The following CSMD2 variants were observed in gnomAD, a reference collection of about 807,000 sequenced individuals.
The protein encoded by CSMD2 is CUB and sushi domain-containing protein 2.
CSMD2 carries 130 observed loss-of-function variants against 398.5 expected under a neutral mutation model. The ratio of observed to expected loss-of-function variants is 0.33; its 90% CI spans 0.28 to 0.38. The LOEUF (loss-of-function observed/expected upper bound fraction) is 0.38, where lower values mean the gene tolerates loss of function less well. Among genes scored for constraint, CSMD2 ranks in the 10% least tolerant of loss-of-function variants. CSMD2 has a pLI of 1.00. For synonymous variants in CSMD2, 1,828 were observed against 1,908.5 expected (o/e 0.96, Z 1.10); for missense variants, 3,829 against 4,764.9 (o/e 0.80, Z 5.78).
intron 4 of CSMD2, among the ~76,000 whole-genome samples, chr1:33,933,309 G>A (rs1021938423): frequency 6.6e-6 from 1 of 152,180 alleles, no homozygotes; most frequent in African/African-American, 2.4e-5. Context: ...AAAGCTGACA[G>A]ATTCCTGGAG....
intron 3 of CSMD2, among the ~76,000 whole-genome samples, chr1:34,027,614 T>C (rs1404099505): frequency 6.6e-6 from 1 of 152,262 alleles, no homozygotes. Flanking sequence ...GTTAGATAAC[T>C]ATGGTATATG....
rs1050938178 is a variant in CSMD2 at position 34,097,211 on chromosome 1, G to C, written c.188-8018C>G. Among the ~76,000 whole-genome samples, 31 of 151,058 alleles carry C rather than the reference G, an allele frequency of 2.1e-4. 1 individual carries two copies. The highest frequency in any genetic ancestry group is 7.1e-4 in the African/African-American group (29 of 40,784). On this transcript the variant is annotated intron_variant, in intron 1 of 70. Coordinates refer to ENST00000373381, the MANE Select transcript of CSMD2 (RefSeq NM_001281956.2). ...TGCTGGGAAAACTGGCTAGCCATATGTAGAAAGCTGAAAGTGGATCCCTTC... is the reference window on the plus strand; with the variant it reads ...TGCTGGGAAAACTGGCTAGCCATATCTAGAAAGCTGAAAGTGGATCCCTTC...
chr1:33,622,106 G>T, intron 37 of CSMD2, 61 bp downstream of exon 37: 3 of 1,222,910 alleles, frequency 2.5e-6, no homozygotes, highest in Non-Finnish European at 3.6e-6. Flanking sequence ...GCTCAGAAGG[G>T]GCTCAGCAAC....
At chr1:33,665,653 C>T (rs1644286344) in intron 25 of CSMD2, among the ~76,000 whole-genome samples, 1 of 151,724 alleles carries the variant, frequency 6.6e-6, no homozygotes, top group African/African-American at 2.4e-5. Context: ...GTCTTGAATG[C>T]TGGGATTCAA....
intron 36 of CSMD2, 62 bp downstream of exon 36, chr1:33,623,308 T>C: frequency 4.8e-6 from 5 of 1,035,050 alleles, no homozygotes; most frequent in South Asian, 2.6e-5. Flanking sequence ...ATAATAACAA[T>C]GTTCATGATG....
intron 13 of CSMD2, among the ~76,000 whole-genome samples, chr1:33,754,188 T>G (rs938565029): frequency 6.6e-6 from 1 of 152,178 alleles, no homozygotes; most frequent in African/African-American, 2.4e-5. Context: ...TAATCCTTAA[T>G]GTTGGACATG....
intron 3 of CSMD2, among the ~76,000 whole-genome samples, chr1:33,952,752 CT>C (rs1430020996): frequency 2.6e-5 from 4 of 151,966 alleles, no homozygotes; most frequent in African/African-American, 9.7e-5. Context: ...CCTTGTCTGA[CT>C]TTTTTCACTT....
chr1:34,124,863 G>A (rs1662575693), intron 1 of CSMD2, among the ~76,000 whole-genome samples: 1 of 152,156 alleles, frequency 6.6e-6, no homozygotes, highest in African/African-American at 2.4e-5. Flanking sequence ...CCAACTAGGG[G>A]CATTGCAAGC....
At chr1:33,875,176 C>T (rs1364042960) in intron 5 of CSMD2, among the ~76,000 whole-genome samples, 1 of 152,106 alleles carries the variant, frequency 6.6e-6, no homozygotes, top group Non-Finnish European at 1.5e-5. Flanking sequence ...ATGTCATGGG[C>T]AAAACAGATT....
At chr1:33,872,934 G>T (rs1640575453) in intron 5 of CSMD2, among the ~76,000 whole-genome samples, 2 of 152,176 alleles carry the variant, frequency 1.3e-5, no homozygotes, top group South Asian at 2.1e-4. Flanking sequence ...TTCCTGGCTG[G>T]ATTTCAAAAT....
chr1:33,725,227 C>G, intron 17 of CSMD2, 122 bp downstream of exon 17: 1 of 794,378 alleles, frequency 1.3e-6, no homozygotes, highest in African/African-American at 1.7e-5. Context: ...AAGGGCACAG[C>G]CTAGCCAAGA....
At position 33,635,739 on chromosome 1, in the gene CSMD2, C is replaced by T. The variant is rs1255271562; in HGVS notation, c.4970-409G>A. On this transcript the variant is annotated intron_variant, in intron 30 of 70. Transcript: ENST00000373381. This position sits in a 1 kb window ranked among gnomAD's most constrained non-coding sequence, Gnocchi z 5.0. ...CAGTGTGAATAGGGAGCTGAAGCTT[C>T]CCCGGACTAACCCCATGGGGAGTGG... is the stretch of plus-strand genomic sequence containing the variant. Among the ~76,000 whole-genome samples the T allele has an allele frequency of 2.0e-5, 3 of 152,160 alleles. No homozygotes were observed. In the East Asian group the frequency reaches 5.8e-4, roughly 29 times the overall value.
intron 2 of CSMD2, among the ~76,000 whole-genome samples, chr1:34,063,391 T>C (rs1247464664): frequency 6.6e-6 from 1 of 152,174 alleles, no homozygotes; most frequent in Admixed American, 6.5e-5. Context: ...AGTTATTTCC[T>C]AGCTACATGG....
intron 2 of CSMD2, among the ~76,000 whole-genome samples, chr1:34,061,256 G>A (rs6667165): frequency 0.26 from 39,601 of 152,016 alleles, 5,675 homozygotes; most frequent in African/African-American, 0.36. Flanking sequence ...GTGAGAAGCA[G>A]GCTGGACAGT....
In CSMD2 at chr1:33,726,566, T is replaced by C. The variant is rs981809656; in HGVS notation, c.2488A>G (p.Ile830Val). 5.6e-6 allele frequency: 9 copies of C among 1,610,968 alleles called. No individual in the cohort carries two copies. Among genetic ancestry groups the C allele is most frequent in the Non-Finnish European group, 7.6e-6 (9 of 1,177,992 alleles). ...AAGCACCTGTCGAAGGTGATTTTGA[T>C]GGGGTAGCCTGGCTGGGCCTCAATC... ...WVIEAQPGYP[I>V]KITFDRFKTE... is the part of the protein sequence containing the mutation. Residue 830 changes from isoleucine to valine, a missense_variant, in exon 16 of 71, where the codon ATC becomes GTC. By Grantham distance (29) the Ile-to-Val change is conservative. This residue lies in a region of CSMD2 where 2,001 missense variants were observed against 2,567.1 expected (regional missense o/e 0.78). Coordinates refer to ENST00000373381, the MANE Select transcript of CSMD2 (RefSeq NM_001281956.2).
chr1:33,753,296 C>T lies in CSMD2; in HGVS notation c.1847-9690G>A, dbSNP rs551244008. ...GGAAAGAATGATTTCAGGGACCAGG[C>T]CTGGGGCACTGCAGTCCTGTGCAGC... On this transcript the variant is annotated intron_variant, in intron 13 of 70. Coordinates refer to ENST00000373381, the MANE Select transcript of CSMD2 (RefSeq NM_001281956.2). 7.7e-4 allele frequency among the ~76,000 whole-genome samples: 118 copies of T among 152,314 alleles called. 3 individuals are homozygous for T. Among genetic ancestry groups the T allele is most frequent in the Admixed American group, 6.6e-3 (101 of 15,296 alleles).
At chr1:33,899,213 G>A (rs1642594405) in intron 5 of CSMD2, among the ~76,000 whole-genome samples, 1 of 152,244 alleles carries the variant, frequency 6.6e-6, no homozygotes, top group East Asian at 1.9e-4. Context: ...CTGGCAGGAT[G>A]TGGGAGCCAA....
At chr1:33,682,967 G>A (rs546840132) in intron 25 of CSMD2, among the ~76,000 whole-genome samples, 38 of 152,270 alleles carry the variant, frequency 2.5e-4, no homozygotes, top group Non-Finnish European at 4.1e-4. Context: ...CAGGGGAGGT[G>A]ATGGCCTTTT....
At position 33,522,745 on chromosome 1, in the gene CSMD2, A is replaced by T. The variant is rs181201244; in HGVS notation, c.10509+562T>A. On this transcript the variant is annotated intron_variant, in intron 67 of 70. Coordinates refer to ENST00000373381, the MANE Select transcript of CSMD2 (RefSeq NM_001281956.2). ...GACGTGGTAGGGGATGCTATGCTCA[A>T]CTCCACTATGTGTGAAATAGGAAGG... 1.5e-3 allele frequency among the ~76,000 whole-genome samples: 228 copies of T among 152,294 alleles called. 1 individual carries two copies. Among genetic ancestry groups the T allele is most frequent in the African/African-American group, 5.2e-3 (218 of 41,550 alleles).
Sources: gnomAD v4.1 joint callset for allele counts (sites outside exome capture counted in the v4.1 genomes callset) on GRCh38, gnomAD v4.1.1 for gene constraint, gnomAD v4.1.1 regional missense constraint, Gnocchi (gnomAD v3.1) non-coding constraint, MANE v1.5 for transcripts, NCBI Gene and HGNC (gene_info 2026-07-23, HGNC 2026-07-21) for gene names.